The following WDR17 variants were observed in gnomAD, a reference collection of about 807,000 sequenced individuals.
WDR17 encodes the protein WD repeat-containing protein 17.
In WDR17, 143 loss-of-function variants were observed where a neutral mutation model predicts 161.7. The ratio of observed to expected loss-of-function variants is 0.88; its 90% CI spans 0.77 to 1.02. WDR17 has a LOEUF of 1.02. Ranked by LOEUF, WDR17 falls within the 50% of genes least tolerant of loss-of-function variation. WDR17 has a pLI of 0.00. For missense variants in WDR17, 1,469 were observed against 1,520.9 expected (o/e 0.97, Z 0.57); for synonymous variants, 517 against 515.6 (o/e 1.00, Z -0.04).
At chr4:176,108,247 G>T (rs925026392) in intron 1 of WDR17, among the ~76,000 whole-genome samples, 2 of 152,100 alleles carry the variant, frequency 1.3e-5, no homozygotes, top group African/African-American at 4.8e-5. Context: ...AAAAGGAAAA[G>T]AAATTAGCTA....
At chr4:176,178,833 T>G (rs1341319348) in intron 28 of WDR17, among the ~76,000 whole-genome samples, 1 of 152,216 alleles carries the variant, frequency 6.6e-6, no homozygotes, top group African/African-American at 2.4e-5. Context: ...TCTTGTGTTT[T>G]TGAAATTATG....
intron 1 of WDR17, among the ~76,000 whole-genome samples, chr4:176,104,154 T>C (rs1056095916): frequency 6.6e-6 from 1 of 152,220 alleles, no homozygotes; most frequent in East Asian, 1.9e-4. Flanking sequence ...ACCAAATATC[T>C]TTTATCCTGC....
At chr4:176,100,776 T>G (rs1382720183) in intron 1 of WDR17, among the ~76,000 whole-genome samples, 1 of 152,088 alleles carries the variant, frequency 6.6e-6, no homozygotes, top group African/African-American at 2.4e-5. Context: ...GTGATAGCTA[T>G]GGGTCTAGTT....
chr4:176,158,013 A>G (rs1018682933), intron 18 of WDR17, among the ~76,000 whole-genome samples: 5 of 152,242 alleles, frequency 3.3e-5, no homozygotes, highest in African/African-American at 7.2e-5. Context: ...AGTGATGCCA[A>G]GGGAAAGTGA....
At chr4:176,082,920 T>C (rs988731659) in intron 1 of WDR17, among the ~76,000 whole-genome samples, 2 of 152,136 alleles carry the variant, frequency 1.3e-5, no homozygotes, top group African/African-American at 4.8e-5. Context: ...CTTATACTTT[T>C]TCTGCTACAT....
chr4:176,176,064 T>A lies in WDR17; in HGVS notation c.3450-994T>A, dbSNP rs557193464. On this transcript the variant is annotated intron_variant, in intron 26 of 28. Coordinates refer to ENST00000508596, the MANE Select transcript of WDR17 (RefSeq NM_181265.4). ...GCATAACCAAAATTGGAAAGCAACA[T>A]TTAACAGTATTAAAAGATATTATAG... Among the ~76,000 whole-genome samples, 4 of 152,294 alleles carry A rather than the reference T, an allele frequency of 2.6e-5. No individual in the cohort carries two copies. The South Asian group carries it at 8.3e-4, about 32-fold the overall frequency.
At chr4:176,073,350 C>G (rs1367565230) in intron 1 of WDR17, among the ~76,000 whole-genome samples, 5 of 151,890 alleles carry the variant, frequency 3.3e-5, no homozygotes, top group African/African-American at 9.7e-5. Flanking sequence ...TGAGAACATG[C>G]GGTGTTTGGT....
Position 176,163,015 on chromosome 4 carries a change from G to A in WDR17, c.2851-139G>A. The A allele has an allele frequency of 3.6e-6, 4 of 1,099,586 alleles. No individual in the cohort carries two copies. In the South Asian group the frequency reaches 4.9e-5, roughly 13 times the overall value. The allele number at this position is 1,099,586 out of a possible 1,614,324, so 68.1% of individuals were successfully genotyped here. The stretch of plus-strand genomic sequence containing the variant: ...ATTACGCTTACATAGCTACTTTATA[G>A]GAATATTACAGTCAATATTTTATAA... On this transcript the variant is annotated intron_variant, in intron 21 of 28. Coordinates refer to ENST00000508596, the MANE Select transcript of WDR17 (RefSeq NM_181265.4).
intron 5 of WDR17, 134 bp downstream of exon 5, chr4:176,125,489 T>TAC: frequency 1.9e-6 from 2 of 1,080,554 alleles, no homozygotes; most frequent in Non-Finnish European, 2.6e-6. Context: ...TGTAGTAAAT[T>TAC]ACTAGTGTAC....
chr4:176,069,993 G>A, intron 1 of WDR17, among the ~76,000 whole-genome samples: 1 of 152,032 alleles, frequency 6.6e-6, no homozygotes, highest in African/African-American at 2.4e-5. Context: ...AGGTTTGAAG[G>A]GGTCATTTTG....
At chr4:176,074,558 G>A (rs554966869) in intron 1 of WDR17, among the ~76,000 whole-genome samples, 5 of 151,928 alleles carry the variant, frequency 3.3e-5, no homozygotes, top group East Asian at 1.9e-4. Context: ...CTGGGTTCAC[G>A]TGGTCCTCAC....
intron 8 of WDR17, 195 bp downstream of exon 8, chr4:176,135,471 G>C (rs886387763): frequency 1.6e-6 from 1 of 611,742 alleles, no homozygotes; most frequent in Non-Finnish European, 2.8e-6. Flanking sequence ...TTTGATTCCT[G>C]GTTTCCTCTA....
At chr4:176,088,404 G>T (rs1029926910) in intron 1 of WDR17, among the ~76,000 whole-genome samples, 4 of 152,100 alleles carry the variant, frequency 2.6e-5, no homozygotes, top group African/African-American at 9.7e-5. Flanking sequence ...GGGCAACATA[G>T]TGAGACCCTA....
intron 13 of WDR17, among the ~76,000 whole-genome samples, 170 bp downstream of exon 13, chr4:176,148,505 A>G (rs779225173): frequency 6.6e-6 from 1 of 152,250 alleles, no homozygotes; most frequent in Non-Finnish European, 1.5e-5. Context: ...CAGAATGTGC[A>G]GAAGAAAAAG....
intron 28 of WDR17, 96 bp from the exon 29 acceptor site, chr4:176,179,364 G>GTT: frequency 6.5e-6 from 8 of 1,227,386 alleles, no homozygotes; most frequent in Non-Finnish European, 8.5e-6. Flanking sequence ...TAAATATTAT[G>GTT]TTTTTTTTTA....
Position 176,109,532 on chromosome 4 carries a change from G to A in WDR17, c.-6-2043G>A, listed in dbSNP as rs140109610. Among the ~76,000 whole-genome samples, 1,360 of 152,054 alleles carry A rather than the reference G, an allele frequency of 8.9e-3. 4 individuals are homozygous for A. The highest frequency in any genetic ancestry group is 0.02 in the Middle Eastern group (6 of 294). On this transcript the variant is annotated intron_variant, in intron 1 of 28. Transcript: ENST00000508596. ...TATCACTAATTCTGCTCAGATAAGGGGATTTAATGAGATGAAGACAGAAAG... is the reference window on the plus strand; with the variant it reads ...TATCACTAATTCTGCTCAGATAAGGAGATTTAATGAGATGAAGACAGAAAG...
chr4:176,166,030 T>C (rs1749724003), intron 22 of WDR17: 1 of 635,124 alleles, frequency 1.6e-6, no homozygotes, highest in East Asian at 3.7e-5. Context: ...TTTTAAGCTA[T>C]AAACAGCGCT....
intron 1 of WDR17, among the ~76,000 whole-genome samples, chr4:176,106,867 C>T (rs1217662650): frequency 6.6e-6 from 1 of 152,100 alleles, no homozygotes; most frequent in Non-Finnish European, 1.5e-5. Context: ...AGCAGGATCA[C>T]GTGAGCCTAG....
At chr4:176,136,671 A>G (rs1744461369) in intron 8 of WDR17, among the ~76,000 whole-genome samples, 2 of 151,506 alleles carry the variant, frequency 1.3e-5, no homozygotes, top group South Asian at 4.1e-4. Flanking sequence ...TAGGATATAG[A>G]TAATTACATA....
Sources: gnomAD v4.1 joint callset for allele counts (sites outside exome capture counted in the v4.1 genomes callset) on GRCh38, gnomAD v4.1.1 for gene constraint, MANE v1.5 for transcripts, NCBI Gene and HGNC (gene_info 2026-07-23, HGNC 2026-07-21) for gene names.